EYS: variants seen among roughly 807,000 people sequenced by gnomAD.
EYS encodes protein eyes shut homolog.
EYS carries 250 observed loss-of-function variants against 282.1 expected under a neutral mutation model. The ratio of observed to expected loss-of-function variants is 0.89; its 90% CI spans 0.80 to 0.98. EYS has a LOEUF of 0.98. EYS is among the 50% of genes least tolerant of loss of function. EYS has a pLI of 0.00. For synonymous variants in EYS, 1,355 were observed against 1,282.9 expected, an observed-to-expected ratio of 1.06 and a Z score of -1.20; for missense variants, 4,016 against 3,709.0, an observed-to-expected ratio of 1.08 and a Z score of -2.15.
At chr6:64,350,315 C>T (rs932681644) in intron 29 of EYS, among the ~76,000 whole-genome samples, 1 of 137,174 alleles carries the variant, frequency 7.3e-6, no homozygotes, top group Non-Finnish European at 1.6e-5. Flanking sequence ...ATGATAGTAA[C>T]TATGACAAGC....
chr6:65,449,380 A>C (rs1562191134), intron 5 of EYS, among the ~76,000 whole-genome samples: 1 of 152,124 alleles, frequency 6.6e-6, no homozygotes, highest in African/African-American at 2.4e-5. Flanking sequence ...TCATAGAAGA[A>C]AATAATTTCT....
At chr6:64,018,405 A>T (rs570522104) in intron 33 of EYS, among the ~76,000 whole-genome samples, 1 of 152,162 alleles carries the variant, frequency 6.6e-6, no homozygotes, top group East Asian at 1.9e-4. Flanking sequence ...TTGCTTTCTC[A>T]TCAAATCTAA....
intron 22 of EYS, among the ~76,000 whole-genome samples, chr6:64,659,713 A>T (rs1768918786): frequency 6.6e-6 from 1 of 152,178 alleles, no homozygotes; most frequent in Non-Finnish European, 1.5e-5. Flanking sequence ...GAATGGACCA[A>T]TAACAGGCTC....
chr6:65,405,491 A>G (rs1766698944), intron 5 of EYS, 124 bp from the exon 6 acceptor site: 2 of 769,268 alleles, frequency 2.6e-6, no homozygotes, highest in Admixed American at 5.3e-5. Context: ...TTTATTTAAC[A>G]AATGTATTGC....
intron 1 of EYS, among the ~76,000 whole-genome samples, chr6:65,645,025 G>A (rs558875232): frequency 6.6e-6 from 1 of 152,182 alleles, no homozygotes; most frequent in East Asian, 1.9e-4. Flanking sequence ...GCAACAAATA[G>A]CATGATGAAT....
intron 26 of EYS, among the ~76,000 whole-genome samples, chr6:64,577,498 ACT>A (rs1181953687): frequency 1.3e-5 from 2 of 149,496 alleles, no homozygotes; most frequent in South Asian, 2.1e-4. Flanking sequence ...ACACACACAC[ACT>A]CACACACACA....
At chr6:64,182,022 C>T (rs569891739) in intron 31 of EYS, among the ~76,000 whole-genome samples, 89 of 152,112 alleles carry the variant, frequency 5.9e-4, no homozygotes, top group Non-Finnish European at 7.6e-4. Flanking sequence ...GGAAGACTCA[C>T]TATGTCCTTC....
At chr6:64,582,338 T>C (rs575142616) in intron 26 of EYS, among the ~76,000 whole-genome samples, 4 of 152,266 alleles carry the variant, frequency 2.6e-5, no homozygotes, top group African/African-American at 9.6e-5. Context: ...CTAGGTTGCA[T>C]GCTTCTGATG....
intron 2 of EYS, among the ~76,000 whole-genome samples, chr6:65,637,492 C>G (rs1767130191): frequency 6.6e-6 from 1 of 152,270 alleles, no homozygotes; most frequent in African/African-American, 2.4e-5. Flanking sequence ...AGCCCAGACC[C>G]CTACTTAGTT....
chr6:64,402,986 C>T (rs1773585070), intron 28 of EYS, among the ~76,000 whole-genome samples: 1 of 152,086 alleles, frequency 6.6e-6, no homozygotes, highest in Non-Finnish European at 1.5e-5. Flanking sequence ...TAATACTCCA[C>T]ATTAATCATT....
At chr6:64,114,338 C>T (rs542031716) in intron 31 of EYS, among the ~76,000 whole-genome samples, 59 of 151,778 alleles carry the variant, frequency 3.9e-4, no homozygotes, top group Non-Finnish European at 5.0e-4. Flanking sequence ...TTCATAATGC[C>T]TTTCTAAACT....
At chr6:64,986,797 AAT>A (rs144177847) in intron 14 of EYS, among the ~76,000 whole-genome samples, 168 of 148,424 alleles carry the variant, frequency 1.1e-3, no homozygotes, top group African/African-American at 3.1e-3. Flanking sequence ...TTTGTCTCAG[AAT>A]ATATATATAT....
intron 1 of EYS, among the ~76,000 whole-genome samples, chr6:65,670,826 CA>C (rs1163925122): frequency 2.6e-5 from 4 of 151,828 alleles, no homozygotes; most frequent in Non-Finnish European, 5.9e-5. Flanking sequence ...ATAAAAAGAG[CA>C]AGTTAATTAC....
At chr6:64,589,821 A>T (rs1448605718) in intron 26 of EYS, among the ~76,000 whole-genome samples, 1 of 152,108 alleles carries the variant, frequency 6.6e-6, no homozygotes, top group African/African-American at 2.4e-5. Flanking sequence ...TCTTTCCCAT[A>T]TTAAAAAAAA....
At chr6:64,256,535 T>A (rs1393420695) in intron 30 of EYS, among the ~76,000 whole-genome samples, 1 of 152,010 alleles carries the variant, frequency 6.6e-6, no homozygotes, top group African/African-American at 2.4e-5. Context: ...CACTACCAGT[T>A]TTCTTTTTAT....
chr6:65,039,962 T>C (rs1772883467), intron 13 of EYS, among the ~76,000 whole-genome samples: 1 of 151,738 alleles, frequency 6.6e-6, no homozygotes, highest in Admixed American at 6.6e-5. Flanking sequence ...CGATAGAATC[T>C]TGCAGAAGTG....
chr6:63,868,058 G>A (rs1024281728), intron 35 of EYS, among the ~76,000 whole-genome samples: 7 of 152,018 alleles, frequency 4.6e-5, no homozygotes, highest in African/African-American at 7.2e-5. Flanking sequence ...ACATATATCC[G>A]TCAAAGTACA....
chr6:64,783,049 T>C lies in EYS; in HGVS notation c.3443+30329A>G, dbSNP rs1486505050. On this transcript the variant is annotated intron_variant, in intron 22 of 42. Transcript: ENST00000503581. Reference sequence around the variant, plus strand: ...AATCGTGCACTGCCCTGTTTAGTCCTGTCTGGGACGTGAATCATCCTTTTG... The same window carrying C: ...AATCGTGCACTGCCCTGTTTAGTCCCGTCTGGGACGTGAATCATCCTTTTG... Among the ~76,000 whole-genome samples, 10 of 152,206 alleles carry C rather than the reference T, an allele frequency of 6.6e-5. No homozygotes were observed. In the East Asian group the frequency reaches 1.9e-3, roughly 29 times the overall value.
chr6:65,689,937 TTCTGGTCCCGCAGTACCAACAA>T (rs1769181054), intron 1 of EYS, among the ~76,000 whole-genome samples: 1 of 149,664 alleles, frequency 6.7e-6, no homozygotes, highest in Admixed American at 6.8e-5. Flanking sequence ...GGTCACCGCA[TTCTGGTCCCGCAGTACCAACAA>T]TGCACTGGAT....
Sources: allele counts gnomAD v4.1 joint callset (sites outside exome capture counted in the v4.1 genomes callset), GRCh38; gene constraint gnomAD v4.1.1; transcripts MANE v1.5; gene names NCBI Gene and HGNC (gene_info 2026-07-23, HGNC 2026-07-21).